The following CDH6 variants were observed in gnomAD, a reference collection of about 807,000 sequenced individuals.
CDH6 encodes the protein cadherin-6.
In CDH6, 31 loss-of-function variants were observed where a neutral mutation model predicts 78.0. The observed-to-expected ratio is 0.40, with a 90% confidence interval of 0.30 to 0.54. The LOEUF (loss-of-function observed/expected upper bound fraction) is 0.54, where lower values mean the gene tolerates loss of function less well. CDH6 is among the 20% of genes least tolerant of loss of function. The pLI, the probability that CDH6 is intolerant of heterozygous loss-of-function variation, is 0.56. For synonymous variants in CDH6, 376 were observed against 368.8 expected (o/e 1.02, Z -0.23); for missense variants, 724 against 975.9 (o/e 0.74, Z 3.44).
chr5:31,307,616 G>C (rs1561068722), intron 7 of CDH6, among the ~76,000 whole-genome samples: 1 of 152,146 alleles, frequency 6.6e-6, no homozygotes, highest in Non-Finnish European at 1.5e-5. Context: ...ACTAATATAT[G>C]TGTAAGTATT....
intron 2 of CDH6, among the ~76,000 whole-genome samples, chr5:31,272,068 A>G (rs1742544329): frequency 6.6e-6 from 1 of 152,192 alleles, no homozygotes; most frequent in South Asian, 2.1e-4. Flanking sequence ...AATAAAAAGG[A>G]GAAGAGCCAA....
chr5:31,265,240 C>T (rs913765854), intron 1 of CDH6, among the ~76,000 whole-genome samples: 1 of 152,210 alleles, frequency 6.6e-6, no homozygotes, highest in African/African-American at 2.4e-5. Context: ...TATATACCAT[C>T]TATGAGGAGA....
intron 1 of CDH6, among the ~76,000 whole-genome samples, chr5:31,244,232 A>G (rs1263090420): frequency 6.6e-6 from 1 of 152,224 alleles, no homozygotes; most frequent in Admixed American, 6.5e-5. Context: ...GTAGACAAGG[A>G]TAGAGATGCA....
At chr5:31,259,621 CT>C (rs1742156801) in intron 1 of CDH6, among the ~76,000 whole-genome samples, 1 of 152,230 alleles carries the variant, frequency 6.6e-6, no homozygotes, top group Admixed American at 6.5e-5. Flanking sequence ...TCCTACAATT[CT>C]GCAACCTAAA....
chr5:31,292,546 G>C (rs1226861122), intron 2 of CDH6, among the ~76,000 whole-genome samples: 1 of 152,064 alleles, frequency 6.6e-6, no homozygotes, highest in African/African-American at 2.4e-5. Flanking sequence ...AACTGTTGTT[G>C]CTGTTGTTGT....
chr5:31,264,903 T>A (rs978029516), intron 1 of CDH6, among the ~76,000 whole-genome samples: 11 of 152,204 alleles, frequency 7.2e-5, no homozygotes, highest in Non-Finnish European at 1.6e-4. Context: ...ATATTTAATA[T>A]TCAAGTGGCA....
chr5:31,194,809 G>A (rs1740118010), intron 1 of CDH6, among the ~76,000 whole-genome samples: 1 of 152,112 alleles, frequency 6.6e-6, no homozygotes. Flanking sequence ...GCAATGTTGT[G>A]GACTGCAGCA....
intron 2 of CDH6, among the ~76,000 whole-genome samples, chr5:31,273,162 A>G (rs1282174965): frequency 6.6e-6 from 1 of 152,354 alleles, no homozygotes; most frequent in Middle Eastern, 3.4e-3. Context: ...GTAAACATGA[A>G]GCAATATTTT....
At position 31,317,454 on chromosome 5, in the gene CDH6, C is replaced by T; in HGVS notation, c.1592C>T (p.Ala531Val). Reference protein sequence around the residue: ...HQFSFSLAPEAASGSNFTIQD... With the variant: ...HQFSFSLAPEVASGSNFTIQD... ...TTTTCGTTTTCCTTGGCCCCTGAAG[C>T]AGCCAGTGGCTCAAACTTTACCATT... Residue 531 changes from alanine to valine, a missense_variant, in exon 10 of 12, where the codon GCA becomes GTA. Ala to Val is a moderately conservative substitution (Grantham distance 64). Around this residue, in one of 3 missense-constraint regions of CDH6, gnomAD observed 446 missense variants for 684.5 expected, o/e 0.65. Transcript: ENST00000265071. The T allele has an allele frequency of 6.2e-7, 1 of 1,612,922 alleles. No homozygotes were observed. Among genetic ancestry groups the T allele is most frequent in the Non-Finnish European group, 8.5e-7 (1 of 1,178,960 alleles).
rs1738674620 is a variant in CDH6, at chr5:31,328,984, G to A, written c.*5676G>A. 1 of 219,868 alleles carries A rather than the reference G, an allele frequency of 4.5e-6. No individual in the cohort carries two copies. The highest frequency in any genetic ancestry group is 2.2e-5 in the African/African-American group (1 of 44,514). 13.6% of individuals were successfully genotyped at this position (219,868 alleles called of 1,614,324 possible). On this transcript the variant is annotated 3_prime_UTR_variant, in exon 12 of 12. Coordinates refer to ENST00000265071, the MANE Select transcript of CDH6 (RefSeq NM_004932.4). ...GTCAAATGGCAAATACGCACTCCTT[G>A]AAATGGCTTCTTTTATTTGGTTTTG...
At chr5:31,292,787 G>A (rs796563455) in intron 2 of CDH6, among the ~76,000 whole-genome samples, 1 of 145,352 alleles carries the variant, frequency 6.9e-6, no homozygotes, top group Non-Finnish European at 1.5e-5. Context: ...GTGTGTATAT[G>A]TATATATATG....
chr5:31,275,136 A>C (rs992989047), intron 2 of CDH6, among the ~76,000 whole-genome samples: 1 of 152,210 alleles, frequency 6.6e-6, no homozygotes, highest in Non-Finnish European at 1.5e-5. Flanking sequence ...TAAGAATATA[A>C]ATAAGCTGAA....
At position 31,317,869 on chromosome 5, in the gene CDH6, G is replaced by C. The variant is rs145080455; in HGVS notation, c.1827G>C (p.Thr609=). The change falls in exon 11 of 12, where the codon ACG becomes ACC. Residue 609 remains threonine, a synonymous_variant. Transcript: ENST00000265071. ...ATGCGGAGGCGCTCATCCACCCCAC[G>C]GGACTGAGCACGGGGGCTCTGGTTG... The part of the protein sequence containing the change: ...SCHAEALIHP[T]GLSTGALVAI... 6.2e-7 allele frequency: 1 copy of C among 1,614,018 alleles called. No individual in the cohort carries two copies. Among genetic ancestry groups the C allele is most frequent in the Admixed American group, 1.7e-5 (1 of 60,026 alleles).
intron 1 of CDH6, among the ~76,000 whole-genome samples, chr5:31,245,926 T>C: frequency 9.4e-6 from 1 of 106,162 alleles, no homozygotes; most frequent in East Asian, 4.3e-4. Context: ...TTTTTTTTTG[T>C]GAGACAGAGT....
At chr5:31,278,305 A>G (rs972276042) in intron 2 of CDH6, among the ~76,000 whole-genome samples, 3 of 152,204 alleles carry the variant, frequency 2.0e-5, no homozygotes, top group Non-Finnish European at 2.9e-5. Flanking sequence ...AAATGGCACA[A>G]ATATTTTATG....
At chr5:31,204,958 T>C (rs2111785233) in intron 1 of CDH6, among the ~76,000 whole-genome samples, 1 of 152,306 alleles carries the variant, frequency 6.6e-6, no homozygotes, top group East Asian at 1.9e-4. Context: ...GCCAAGACTT[T>C]TGGGAAAATC....
chr5:31,301,770 C>T (rs1737771285), intron 5 of CDH6, among the ~76,000 whole-genome samples: 1 of 152,220 alleles, frequency 6.6e-6, no homozygotes. Context: ...TTCTTCTCTA[C>T]TCTTTCTGTT....
Position 31,326,436 on chromosome 5 carries a change from A to T in CDH6, c.*3128A>T, listed in dbSNP as rs527607617. 4.9e-6 allele frequency: 1 copy of T among 204,098 alleles called. No homozygotes were observed. The highest frequency in any genetic ancestry group is 7.5e-5 in the East Asian group (1 of 13,342). The allele number at this position is 204,098 out of a possible 1,614,324, so 12.6% of individuals were successfully genotyped here. A position where few individuals can be genotyped will look rare whatever the true frequency, so the allele number is the denominator to read the frequency against. ...TTGTGCCCAAATAAGTAAATAAACC[A>T]AATGGGAAAGAAGCAAAGATTATTC... On this transcript the variant is annotated 3_prime_UTR_variant, in exon 12 of 12. Transcript: ENST00000265071.
chr5:31,212,416 G>T (rs1740732873), intron 1 of CDH6, among the ~76,000 whole-genome samples: 1 of 152,066 alleles, frequency 6.6e-6, no homozygotes, highest in Non-Finnish European at 1.5e-5. Flanking sequence ...TGTGCCACCG[G>T]GGCTAATATT....
Sources: gnomAD v4.1 joint callset for allele counts (sites outside exome capture counted in the v4.1 genomes callset) on GRCh38, gnomAD v4.1.1 for gene constraint, gnomAD v4.1.1 regional missense constraint, MANE v1.5 for transcripts, NCBI Gene and HGNC (gene_info 2026-07-23, HGNC 2026-07-21) for gene names.